PDGFC: variants seen among roughly 807,000 people sequenced by gnomAD.
PDGFC encodes platelet-derived growth factor C.
PDGFC carries 12 observed loss-of-function variants against 35.5 expected under a neutral mutation model. That is an observed-to-expected ratio of 0.34 (90% CI 0.22 to 0.55). PDGFC has a LOEUF of 0.55. Among genes scored for constraint, PDGFC ranks in the 20% least tolerant of loss-of-function variants. PDGFC has a pLI of 0.91. For synonymous variants in PDGFC, 159 were observed against 148.8 expected (o/e 1.07, Z -0.50); for missense variants, 322 against 412.4 (o/e 0.78, Z 1.90).
chr4:156,901,470 T>G (rs1730781209), intron 1 of PDGFC, among the ~76,000 whole-genome samples: 1 of 152,068 alleles, frequency 6.6e-6, no homozygotes, highest in South Asian at 2.1e-4. Context: ...CAGGCAAGGA[T>G]GGTCACAGAG....
At chr4:156,934,052 C>CTGA (rs948165691) in intron 1 of PDGFC, among the ~76,000 whole-genome samples, 22 of 152,282 alleles carry the variant, frequency 1.4e-4, no homozygotes, top group Middle Eastern at 3.4e-3. Context: ...GATAAGCTTC[C>CTGA]TTCAGGCATG....
chr4:156,786,310 T>C (rs1178679742), intron 3 of PDGFC, among the ~76,000 whole-genome samples: 1 of 152,092 alleles, frequency 6.6e-6, no homozygotes, highest in Non-Finnish European at 1.5e-5. Context: ...CAATGTTAGA[T>C]GGTAAAGTGT....
At chr4:156,821,989 T>C (rs2110980405) in intron 2 of PDGFC, among the ~76,000 whole-genome samples, 1 of 152,292 alleles carries the variant, frequency 6.6e-6, no homozygotes, top group Admixed American at 6.5e-5. Context: ...GTAAAGGGAC[T>C]GAATTTAGGA....
At chr4:156,797,775 G>A (rs1731488216) in intron 3 of PDGFC, among the ~76,000 whole-genome samples, 1 of 152,200 alleles carries the variant, frequency 6.6e-6, no homozygotes, top group African/African-American at 2.4e-5. Flanking sequence ...AGCGGTTGAA[G>A]TACGGCTGCT....
At chr4:156,848,852 G>A (rs1358145425) in intron 2 of PDGFC, among the ~76,000 whole-genome samples, 1 of 151,960 alleles carries the variant, frequency 6.6e-6, no homozygotes, top group Non-Finnish European at 1.5e-5. Context: ...CTCTCTTGGT[G>A]TTAACCTGTG....
intron 2 of PDGFC, among the ~76,000 whole-genome samples, chr4:156,826,115 T>A (rs142735272): frequency 6.8e-6 from 1 of 146,024 alleles, no homozygotes; most frequent in Non-Finnish European, 1.5e-5. Flanking sequence ...TCCTCCCACA[T>A]TGGCCTCCCA....
intron 3 of PDGFC, among the ~76,000 whole-genome samples, chr4:156,795,798 A>C (rs1166948648): frequency 2.0e-5 from 3 of 152,136 alleles, no homozygotes. Flanking sequence ...TGCATGGGAG[A>C]GATTTAGCTG....
At chr4:156,796,566 C>A (rs1027838299) in intron 3 of PDGFC, among the ~76,000 whole-genome samples, 1 of 104,760 alleles carries the variant, frequency 9.5e-6, no homozygotes, top group Non-Finnish European at 1.9e-5. Context: ...TAAGTAAGTT[C>A]TTTTCAAGCA....
At chr4:156,838,022 A>C (rs1729103695) in intron 2 of PDGFC, among the ~76,000 whole-genome samples, 2 of 152,128 alleles carry the variant, frequency 1.3e-5, no homozygotes, top group African/African-American at 4.8e-5. Context: ...GTCAAAGGAC[A>C]ACAAAGCTAT....
intron 2 of PDGFC, among the ~76,000 whole-genome samples, chr4:156,849,696 T>C (rs745509069): frequency 1.6e-4 from 24 of 152,128 alleles, no homozygotes; most frequent in Non-Finnish European, 3.2e-4. Flanking sequence ...AGCCTAAATA[T>C]CTAATGCTGC....
intron 2 of PDGFC, among the ~76,000 whole-genome samples, chr4:156,821,715 A>G (rs1393362108): frequency 6.6e-6 from 1 of 151,852 alleles, no homozygotes; most frequent in Non-Finnish European, 1.5e-5. Flanking sequence ...GGCCTGGCTA[A>G]TTTTTTGTAT....
At chr4:156,901,733 G>A (rs868217300) in intron 1 of PDGFC, among the ~76,000 whole-genome samples, 14 of 151,836 alleles carry the variant, frequency 9.2e-5, no homozygotes, top group African/African-American at 2.9e-4. Flanking sequence ...GGTGATTCTC[G>A]TGCCTCGGCC....
intron 3 of PDGFC, among the ~76,000 whole-genome samples, chr4:156,775,477 A>C (rs1730804456): frequency 6.6e-6 from 1 of 152,224 alleles, no homozygotes; most frequent in African/African-American, 2.4e-5. Flanking sequence ...AGCATAAAAT[A>C]TAATTGCTAT....
chr4:156,863,920 C>A (rs1729774880), intron 1 of PDGFC, among the ~76,000 whole-genome samples: 1 of 151,936 alleles, frequency 6.6e-6, no homozygotes, highest in African/African-American at 2.4e-5. Context: ...TATTTGATTA[C>A]TTAGTTTTTA....
chr4:156,810,666 G>T (rs968638337), intron 3 of PDGFC, among the ~76,000 whole-genome samples, 171 bp downstream of exon 3: 2 of 151,888 alleles, frequency 1.3e-5, no homozygotes, highest in Admixed American at 6.6e-5. Flanking sequence ...TTTCTAATTT[G>T]CCTAATGAAT....
chr4:156,885,174 C>T (rs1730345952), intron 1 of PDGFC, among the ~76,000 whole-genome samples: 1 of 151,994 alleles, frequency 6.6e-6, no homozygotes, highest in Non-Finnish European at 1.5e-5. Flanking sequence ...CACACACACA[C>T]ACACACACAC....
intron 1 of PDGFC, among the ~76,000 whole-genome samples, chr4:156,907,740 T>C (rs912303521): frequency 2.6e-5 from 4 of 152,172 alleles, no homozygotes; most frequent in Non-Finnish European, 5.9e-5. Flanking sequence ...GTCCTTCACC[T>C]GGGATGAAGT....
At chr4:156,805,598 T>C (rs1731735283) in intron 3 of PDGFC, among the ~76,000 whole-genome samples, 1 of 152,102 alleles carries the variant, frequency 6.6e-6, no homozygotes, top group Non-Finnish European at 1.5e-5. Flanking sequence ...CTGCTTTTTT[T>C]CCTAGGAAAG....
At chr4:156,844,185 T>G (rs1356536738) in intron 2 of PDGFC, among the ~76,000 whole-genome samples, 2 of 152,184 alleles carry the variant, frequency 1.3e-5, no homozygotes, top group African/African-American at 4.8e-5. Flanking sequence ...CTCAACATAG[T>G]GTCATGGTGT....
Sources: allele counts gnomAD v4.1 joint callset (sites outside exome capture counted in the v4.1 genomes callset), GRCh38; gene constraint gnomAD v4.1.1; transcripts MANE v1.5; gene names NCBI Gene and HGNC (gene_info 2026-07-23, HGNC 2026-07-21).